The following C3orf49 variants were observed in gnomAD, a reference collection of about 807,000 sequenced individuals.
C3orf49 encodes chromosome 3 open reading frame 49.
A neutral mutation model predicts 13.3 loss-of-function variants in C3orf49; 27 were observed. The ratio of observed to expected loss-of-function variants is 2.02; its 90% CI spans 1.49 to 2.79. C3orf49 has a LOEUF of 2.79. Among genes scored for constraint, C3orf49 ranks in the 30% most tolerant of loss-of-function variants. The pLI, the probability that C3orf49 is intolerant of heterozygous loss-of-function variation, is 0.00. For synonymous variants in C3orf49, 87 were observed against 47.6 expected (o/e 1.83, Z -3.40); for missense variants, 242 against 134.2 (o/e 1.80, Z -3.97).
the C3orf49 span, among the ~76,000 whole-genome samples, chr3:63,781,794 T>C: frequency 2.0e-5 from 3 of 152,202 alleles, no homozygotes; most frequent in African/African-American, 7.2e-5. Context: ...AACCCATTTA[T>C]TGATCACTTA....
chr3:63,844,390 G>A (rs1296048634), intron 5 of C3orf49, among the ~76,000 whole-genome samples: 4 of 152,104 alleles, frequency 2.6e-5, no homozygotes, highest in African/African-American at 9.7e-5. Context: ...AACTCTGTGA[G>A]GTAATGCATT....
the C3orf49 span, among the ~76,000 whole-genome samples, chr3:63,795,122 A>T: frequency 6.6e-6 from 1 of 152,050 alleles, no homozygotes; most frequent in South Asian, 2.1e-4. Context: ...TTGTAACTTC[A>T]CCCCAGCCTC....
At chr3:63,786,822 G>A in the C3orf49 span, among the ~76,000 whole-genome samples, 2 of 152,308 alleles carry the variant, frequency 1.3e-5, no homozygotes, top group South Asian at 4.1e-4. Flanking sequence ...TTTGAGAGCT[G>A]AGTGTTTAGT....
In C3orf49 at chr3:63,823,541, A is replaced by G. The variant is rs1701426393; in HGVS notation, c.417A>G (p.Thr139=). 2.9e-6 allele frequency: 2 copies of G among 699,438 alleles called. No homozygotes were observed. The highest frequency in any genetic ancestry group is 5.2e-6 in the Non-Finnish European group (2 of 383,716). 43.3% of individuals were successfully genotyped at this position (699,438 alleles called of 1,614,324 possible). The change falls in exon 2 of 7, where the codon ACA becomes ACG. Residue 139 remains threonine (T), a synonymous_variant. Transcript: ENST00000295896. ...VKEFSSPKLF[T]AKMRKLSENA... is the part of the protein sequence containing the mutation. ...AGTTTTCATCTCCCAAGTTATTTAC[A>G]GCAAAAATGAGAAAGCTCTCAGAGA...
intron 5 of C3orf49, among the ~76,000 whole-genome samples, chr3:63,843,101 A>G (rs964654131): frequency 1.3e-5 from 2 of 149,928 alleles, no homozygotes; most frequent in Non-Finnish European, 3.0e-5. Flanking sequence ...CCCTCCAAAA[A>G]CCGTATGTAT....
the C3orf49 span, chr3:63,787,000 A>G: frequency 1.3e-5 from 2 of 152,238 alleles, no homozygotes; most frequent in Non-Finnish European, 2.9e-5. Flanking sequence ...CATTACCCTG[A>G]GTGCTATTTA....
At chr3:63,841,573 T>C (rs777377394) in intron 5 of C3orf49, among the ~76,000 whole-genome samples, 11 of 152,208 alleles carry the variant, frequency 7.2e-5, no homozygotes, top group Non-Finnish European at 1.3e-4. Context: ...TTAAAATATA[T>C]TGTGATAATA....
At chr3:63,797,066 G>T in the C3orf49 span, among the ~76,000 whole-genome samples, 86 of 151,968 alleles carry the variant, frequency 5.7e-4, no homozygotes, top group African/African-American at 1.9e-3. Context: ...ATATAATTTT[G>T]TTGGATATAT....
the C3orf49 span, among the ~76,000 whole-genome samples, chr3:63,789,324 C>T: frequency 6.6e-6 from 1 of 152,318 alleles, no homozygotes. Context: ...TCCACAAAAC[C>T]AGTCCCTGGT....
chr3:63,814,744 T>C (rs893567494), upstream of C3orf49, among the ~76,000 whole-genome samples: 7 of 152,134 alleles, frequency 4.6e-5, no homozygotes, highest in African/African-American at 1.7e-4. Flanking sequence ...AGTTCCACTG[T>C]TCCCCCTTTA....
chr3:63,812,156 T>G, the C3orf49 span, among the ~76,000 whole-genome samples: 1 of 152,212 alleles, frequency 6.6e-6, no homozygotes, highest in Non-Finnish European at 1.5e-5. Flanking sequence ...TGAAATCTTC[T>G]GATATTCAAA....
chr3:63,791,017 T>G, the C3orf49 span, among the ~76,000 whole-genome samples: 2 of 152,168 alleles, frequency 1.3e-5, no homozygotes, highest in Non-Finnish European at 2.9e-5. Context: ...GCTTTCATAT[T>G]CATTGAGTGG....
In C3orf49 at chr3:63,839,885, G is replaced by A. The variant is rs373825164; in HGVS notation, c.850-5138G>A. On this transcript the variant is annotated intron_variant, in intron 5 of 6. Transcript: ENST00000295896. The stretch of plus-strand genomic sequence containing the variant: ...AAAAGAAAATTATTGAAATGTAAAT[G>A]CATTTAATGCCACTGAACTGTACAC... 489 of 817,268 alleles carry A rather than the reference G, an allele frequency of 6.0e-4. 4 individuals are homozygous for A. Among genetic ancestry groups the A allele is most frequent in the Non-Finnish European group, 1.2e-4 (64 of 512,026 alleles). The allele number at this position is 817,268 out of a possible 1,614,324, so 50.6% of individuals were successfully genotyped here.
At chr3:63,838,609 A>G in intron 5 of C3orf49, 1 of 1,077,872 alleles carries the variant, frequency 9.3e-7, no homozygotes, top group Non-Finnish European at 1.3e-6. Context: ...GTTCTGAGAG[A>G]ATCATTTGCT....
At chr3:63,799,017 C>T in the C3orf49 span, among the ~76,000 whole-genome samples, 1 of 152,074 alleles carries the variant, frequency 6.6e-6, no homozygotes, top group Non-Finnish European at 1.5e-5. Context: ...GTGTTTTATG[C>T]CCTATAATGT....
chr3:63,835,654 A>G (rs1465443715), intron 5 of C3orf49, among the ~76,000 whole-genome samples: 1 of 152,142 alleles, frequency 6.6e-6, no homozygotes, highest in Non-Finnish European at 1.5e-5. Context: ...AACAAGACCC[A>G]AGAAATGATA....
intron 5 of C3orf49, among the ~76,000 whole-genome samples, chr3:63,839,483 G>A (rs1301971639): frequency 6.6e-6 from 1 of 152,080 alleles, no homozygotes; most frequent in Non-Finnish European, 1.5e-5. Context: ...ATAAACATAT[G>A]AGAGGCCTTT....
At chr3:63,788,734 A>C in the C3orf49 span, among the ~76,000 whole-genome samples, 2,271 of 152,096 alleles carry the variant, frequency 0.015, 28 homozygotes, top group South Asian at 0.065. Context: ...AATTTAAAAA[A>C]AAAAAACAAA....
At chr3:63,813,537 C>A in the C3orf49 span, among the ~76,000 whole-genome samples, 2 of 152,026 alleles carry the variant, frequency 1.3e-5, no homozygotes, top group African/African-American at 2.4e-5. Flanking sequence ...CCTGGGGCAG[C>A]AATCAACACA....
Sources: allele counts gnomAD v4.1 joint callset (sites outside exome capture counted in the v4.1 genomes callset), GRCh38; gene constraint gnomAD v4.1.1; transcripts MANE v1.5; gene names NCBI Gene and HGNC (gene_info 2026-07-23, HGNC 2026-07-21).